The following CNOT4 variants were observed in gnomAD, a reference collection of about 807,000 sequenced individuals.
CNOT4 encodes CCR4-NOT transcription complex subunit 4.
In CNOT4, 8 loss-of-function variants were observed where a neutral mutation model predicts 73.8. The ratio of observed to expected loss-of-function variants is 0.11; its 90% CI spans 0.06 to 0.20. CNOT4 has a LOEUF of 0.20. CNOT4 is among the 10% of genes least tolerant of loss of function. The pLI, the probability that CNOT4 is intolerant of heterozygous loss-of-function variation, is 1.00. For synonymous variants in CNOT4, 293 were observed against 321.1 expected (o/e 0.91, Z 0.94); for missense variants, 564 against 883.4 (o/e 0.64, Z 4.58).
At position 135,364,705 on chromosome 7, in the gene CNOT4, C is replaced by T. The variant is rs1229294428; in HGVS notation, c.1628-639G>A. Among the ~76,000 whole-genome samples, 1 of 152,226 alleles carries T rather than the reference C, an allele frequency of 6.6e-6. No homozygotes were observed. The highest frequency in any genetic ancestry group is 1.5e-5 in the Non-Finnish European group (1 of 68,042). The stretch of plus-strand genomic sequence containing the variant: ...CTTCTAGATGGAATAATTTCCAACA[C>T]AGTCTGCCTGCTCTACTCCAACAGT... On this transcript the variant is annotated intron_variant, in intron 10 of 11. Transcript: ENST00000541284. The surrounding 1 kb of genome is among the most constrained non-coding windows in gnomAD (Gnocchi z 4.3).
chr7:135,509,862 C>G (rs907539905), intron 1 of CNOT4, 27 bp downstream of exon 1: 2 of 394,464 alleles, frequency 5.1e-6, no homozygotes, highest in Non-Finnish European at 8.9e-6. Flanking sequence ...CCGGGTTTCC[C>G]CTAAGCCCAG....
Position 135,362,926 on chromosome 7 carries a change from G to A in CNOT4, c.2101C>T (p.Pro701Ser), listed in dbSNP as rs572004308. The A allele has an allele frequency of 6.2e-6, 10 of 1,613,788 alleles. No individual in the cohort carries two copies. In the East Asian group the frequency reaches 2.2e-4, roughly 36 times the overall value. ...GTTGAACTCTGTAGTAAATCTGTGGGGGTTTTGCTGGGGGGTCTGAAGGCT... is the reference window on the plus strand; with the variant it reads ...GTTGAACTCTGTAGTAAATCTGTGGAGGTTTTGCTGGGGGGTCTGAAGGCT... The part of the protein sequence containing the change: ...QTAFRPPSKT[P>S]TDLLQSSTLD... The change falls in exon 12 of 12, where the codon CCC (proline) becomes TCC (serine). Residue 701 changes from proline (P) to serine (S), a missense_variant. Pro to Ser is a moderately conservative substitution (Grantham distance 74, BLOSUM62 -1). Transcript: ENST00000541284.
chr7:135,402,343 C>G (rs1797045479), intron 7 of CNOT4, among the ~76,000 whole-genome samples: 2 of 152,202 alleles, frequency 1.3e-5, no homozygotes, highest in South Asian at 4.1e-4. Context: ...CTCCTGGCCT[C>G]AAGTGATCTG....
chr7:135,462,362 C>T lies in CNOT4; in HGVS notation c.-92-23939G>A, dbSNP rs79979284. Among the ~76,000 whole-genome samples the T allele has an allele frequency of 9.7e-3, 1,471 of 152,270 alleles. 13 individuals carry two copies. Among genetic ancestry groups the T allele is most frequent in the Middle Eastern group, 0.031 (9 of 294 alleles). ...ACCTACCAGTTCTGTCCCCATCTCCCTCGATCCAATCTCCTTATTCTGGTC... is the reference window on the plus strand; with the variant it reads ...ACCTACCAGTTCTGTCCCCATCTCCTTCGATCCAATCTCCTTATTCTGGTC... On this transcript the variant is annotated intron_variant, in intron 1 of 11. Transcript: ENST00000541284.
intron 10 of CNOT4, chr7:135,387,605 TC>T: frequency 1.0e-6 from 1 of 979,840 alleles, no homozygotes; most frequent in Non-Finnish European, 1.2e-6. Context: ...GGTTAAAATC[TC>T]AAGAGGAGGT....
chr7:135,393,920 G>C lies in CNOT4; in HGVS notation c.1625C>G (p.Ala542Gly). 1 of 1,600,078 alleles carries C rather than the reference G, an allele frequency of 6.2e-7. No homozygotes were observed. Among genetic ancestry groups the C allele is most frequent in the Non-Finnish European group, 8.5e-7 (1 of 1,172,218 alleles). Residue 542 changes from alanine to glycine, a missense_variant and splice_region_variant, in exon 10 of 12, where the codon GCA (alanine) becomes GGA (glycine). Physicochemically the swap from Ala to Gly is moderately conservative, Grantham distance 60. Transcript: ENST00000541284. ...HNTGLGGIPV[A>G]DNSSSVESLN... The stretch of plus-strand genomic sequence containing the variant: ...TCAAAGGTTTTAAATGAACCTACCT[G>C]CTACAGGGATCCCTCCCAGACCTGT...
intron 10 of CNOT4, among the ~76,000 whole-genome samples, chr7:135,392,481 A>C (rs1163001774): frequency 6.6e-6 from 1 of 152,164 alleles, no homozygotes; most frequent in African/African-American, 2.4e-5. Flanking sequence ...CACATTTCTC[A>C]ATGATTAAAG....
At chr7:135,478,741 C>A (rs1405448611) in intron 1 of CNOT4, among the ~76,000 whole-genome samples, 1 of 152,048 alleles carries the variant, frequency 6.6e-6, no homozygotes, top group African/African-American at 2.4e-5. Flanking sequence ...CAAATCTCAT[C>A]AAAAATCTTC....
At chr7:135,500,990 T>G (rs1803925038) in intron 1 of CNOT4, among the ~76,000 whole-genome samples, 1 of 151,470 alleles carries the variant, frequency 6.6e-6, no homozygotes, top group African/African-American at 2.4e-5. Flanking sequence ...AACCTTTTTT[T>G]TTTTTTTTTT....
intron 7 of CNOT4, among the ~76,000 whole-genome samples, chr7:135,409,414 T>C (rs2129484005): frequency 6.6e-6 from 1 of 152,244 alleles, no homozygotes; most frequent in East Asian, 1.9e-4. Context: ...GTGGCCTATT[T>C]TATATTTATT....
At position 135,363,410 on chromosome 7, in the gene CNOT4, C is replaced by T. The variant is rs987268637; in HGVS notation, c.1841-224G>A. The stretch of plus-strand genomic sequence containing the variant: ...TGAACTAGACTTAGTCCCCCACTGT[C>T]ACAGAGGCAGAGCTGCAAAACACCA... On this transcript the variant is annotated intron_variant, in intron 11 of 11. Transcript: ENST00000541284. This position sits in a 1 kb window ranked among gnomAD's most constrained non-coding sequence, Gnocchi z 4.3. 5.3e-5 allele frequency among the ~76,000 whole-genome samples: 8 copies of T among 152,184 alleles called. No individual in the cohort carries two copies. The highest frequency in any genetic ancestry group is 1.2e-4 in the Non-Finnish European group (8 of 68,040).
chr7:135,372,196 G>A (rs1484265155), intron 10 of CNOT4, among the ~76,000 whole-genome samples: 3 of 152,176 alleles, frequency 2.0e-5, no homozygotes, highest in Non-Finnish European at 4.4e-5. Context: ...TTTCCAAGGT[G>A]AAAATAAGGA....
intron 1 of CNOT4, among the ~76,000 whole-genome samples, chr7:135,497,924 A>T (rs892552350): frequency 1.2e-4 from 18 of 152,224 alleles, no homozygotes; most frequent in Non-Finnish European, 2.4e-4. Context: ...TCAAAGATGA[A>T]TGTTTTTTAT....
intron 1 of CNOT4, among the ~76,000 whole-genome samples, chr7:135,449,512 G>C (rs1800037483): frequency 6.6e-6 from 1 of 152,116 alleles, no homozygotes; most frequent in Non-Finnish European, 1.5e-5. Context: ...ATACAAAGTA[G>C]TAAAATTGCA....
At chr7:135,411,678 C>A (rs1160014167) in intron 6 of CNOT4, among the ~76,000 whole-genome samples, 1 of 151,906 alleles carries the variant, frequency 6.6e-6, no homozygotes, top group Non-Finnish European at 1.5e-5. Context: ...GTTTTACTTA[C>A]CTTCAGGGAT....
At chr7:135,427,023 A>T (rs1264631091) in intron 2 of CNOT4, among the ~76,000 whole-genome samples, 2 of 152,208 alleles carry the variant, frequency 1.3e-5, no homozygotes, top group Non-Finnish European at 2.9e-5. Flanking sequence ...TTACAAGCAG[A>T]AAATTTCTCT....
chr7:135,384,598 A>C (rs931238157), intron 10 of CNOT4: 93 of 751,222 alleles, frequency 1.2e-4, no homozygotes, highest in Non-Finnish European at 1.9e-4. Flanking sequence ...CACCTCTCTT[A>C]AGCTATACCA....
At chr7:135,455,989 A>G (rs1800505843) in intron 1 of CNOT4, among the ~76,000 whole-genome samples, 1 of 152,246 alleles carries the variant, frequency 6.6e-6, no homozygotes, top group African/African-American at 2.4e-5. Context: ...TAGAAAGTAA[A>G]ACCCCCATTT....
chr7:135,367,440 T>C (rs1794975491), intron 10 of CNOT4, among the ~76,000 whole-genome samples: 1 of 152,178 alleles, frequency 6.6e-6, no homozygotes, highest in African/African-American at 2.4e-5. Flanking sequence ...GCTGTCAATA[T>C]AATTTAGGCA....
Sources: allele counts gnomAD v4.1 joint callset (sites outside exome capture counted in the v4.1 genomes callset), GRCh38; gene constraint gnomAD v4.1.1; non-coding constraint Gnocchi (gnomAD v3.1); transcripts MANE v1.5; gene names NCBI Gene and HGNC (gene_info 2026-07-23, HGNC 2026-07-21).